FHIT: variants seen among roughly 807,000 people sequenced by gnomAD.
The protein encoded by FHIT is fragile histidine triad diadenosine triphosphatase, also known as bis(5'-adenosyl)-triphosphatase.
Under a neutral mutation model 17.9 loss-of-function variants are expected in FHIT, and 19 were observed. The observed-to-expected ratio is 1.06, with a 90% CI of 0.74 to 1.56. The LOEUF is 1.56. Ranked by LOEUF, FHIT falls within the 40% of genes most tolerant of loss-of-function variation. The probability of loss-of-function intolerance (pLI) is 0.00; values close to 1 mark genes in which losing one functional copy is unlikely to be tolerated. For synonymous variants in FHIT, 81 were observed against 69.7 expected, an observed-to-expected ratio of 1.16 and a Z score of -0.81; for missense variants, 248 against 189.2, an observed-to-expected ratio of 1.31 and a Z score of -1.82.
At chr3:60,132,592 T>A (rs539716693) in intron 5 of FHIT, among the ~76,000 whole-genome samples, 1 of 152,186 alleles carries the variant, frequency 6.6e-6, no homozygotes, top group African/African-American at 2.4e-5. Context: ...ATTGTGCCTA[T>A]GCCCAAAAGT....
chr3:60,312,327 A>G (rs7631677), intron 5 of FHIT, among the ~76,000 whole-genome samples: 64,781 of 151,668 alleles, frequency 0.43, 14,708 homozygotes, highest in East Asian at 0.88. Context: ...TTTTTTGTAC[A>G]GACAAGGTCT....
At chr3:60,252,757 G>A (rs546043840) in intron 5 of FHIT, among the ~76,000 whole-genome samples, 18 of 151,982 alleles carry the variant, frequency 1.2e-4, no homozygotes, top group Non-Finnish European at 1.8e-4. Context: ...TTGGGAGGCC[G>A]AGGCCGGTGG....
chr3:59,856,192 A>G (rs1177002388), intron 8 of FHIT, among the ~76,000 whole-genome samples: 16 of 152,232 alleles, frequency 1.1e-4, no homozygotes, highest in Non-Finnish European at 2.2e-4. Flanking sequence ...ACTATCTGTC[A>G]AAATTTTTAA....
rs574962594 is a variant in FHIT at position 60,130,019 on chromosome 3, C to T, written c.104-115867G>A. On this transcript the variant is annotated intron_variant, in intron 5 of 9. Transcript: ENST00000492590. ...CACCTACATACACACACCACACACT[C>T]GATGTCCAAATTCACAGTCTAAGCA... Among the ~76,000 whole-genome samples the T allele has an allele frequency of 2.8e-4, 42 of 152,274 alleles. 2 individuals are homozygous for T. In the South Asian group the frequency reaches 8.5e-3, roughly 31 times the overall value.
chr3:60,409,124 A>G (rs1442659666), intron 5 of FHIT, among the ~76,000 whole-genome samples: 1 of 152,208 alleles, frequency 6.6e-6, no homozygotes, highest in Admixed American at 6.5e-5. Flanking sequence ...TCTTGTAAAT[A>G]CTGAATATGA....
chr3:60,468,358 T>C (rs973669413), intron 5 of FHIT, among the ~76,000 whole-genome samples: 6 of 152,214 alleles, frequency 3.9e-5, no homozygotes, highest in South Asian at 2.1e-4. Context: ...GGTTGTTTTG[T>C]AGTCTTCTCT....
At chr3:60,328,583 T>C (rs1410969971) in intron 5 of FHIT, among the ~76,000 whole-genome samples, 1 of 152,092 alleles carries the variant, frequency 6.6e-6, no homozygotes, top group Non-Finnish European at 1.5e-5. Flanking sequence ...CAGGTCCCTC[T>C]CACTACACCT....
intron 7 of FHIT, among the ~76,000 whole-genome samples, chr3:59,956,444 C>T (rs962049924): frequency 2.6e-5 from 4 of 152,132 alleles, no homozygotes; most frequent in Non-Finnish European, 5.9e-5. Context: ...CCGAGGCGGG[C>T]AGATCTTGAG....
intron 5 of FHIT, among the ~76,000 whole-genome samples, chr3:60,094,413 C>T (rs1168284453): frequency 6.7e-6 from 1 of 148,728 alleles, no homozygotes; most frequent in East Asian, 2.0e-4. Flanking sequence ...CAGGGCCCAA[C>T]CGGCACCTAT....
At chr3:59,813,238 C>T (rs959961339) in intron 8 of FHIT, among the ~76,000 whole-genome samples, 1 of 152,142 alleles carries the variant, frequency 6.6e-6, no homozygotes, top group African/African-American at 2.4e-5. Context: ...TAATTTGTTG[C>T]CTGTTTCTGA....
intron 5 of FHIT, among the ~76,000 whole-genome samples, chr3:60,304,334 C>A (rs741896): frequency 6.6e-6 from 1 of 151,784 alleles, no homozygotes; most frequent in South Asian, 2.1e-4. Context: ...TAGCAGATCT[C>A]TACCAGGAGA....
chr3:60,384,460 C>T lies in FHIT; in HGVS notation c.103+152400G>A, dbSNP rs550556866. ...CACTTTAAAGGTTTGGTATCTTTAG[C>T]CCCATGCGAGGAGAGAGTCGTATGT... On this transcript the variant is annotated intron_variant, in intron 5 of 9. Transcript: ENST00000492590. 1.3e-5 allele frequency among the ~76,000 whole-genome samples: 2 copies of T among 152,056 alleles called. 1 individual carries two copies. Among genetic ancestry groups the T allele is most frequent in the South Asian group, 4.2e-4 (2 of 4,812 alleles).
intron 4 of FHIT, among the ~76,000 whole-genome samples, chr3:60,577,649 C>T (rs781992539): frequency 5.7e-4 from 87 of 152,132 alleles, no homozygotes; most frequent in Non-Finnish European, 1.8e-4. Flanking sequence ...ACTGAGAAGA[C>T]ATCAGTGCTA....
chr3:60,811,347 C>T (rs528197301), intron 4 of FHIT, among the ~76,000 whole-genome samples: 7 of 152,158 alleles, frequency 4.6e-5, no homozygotes, highest in East Asian at 3.9e-4. Context: ...TATAAAATCT[C>T]GAAATAAGAA....
intron 8 of FHIT, among the ~76,000 whole-genome samples, chr3:59,759,874 C>T (rs948164882): frequency 6.6e-6 from 1 of 152,150 alleles, no homozygotes; most frequent in Non-Finnish European, 1.5e-5. Flanking sequence ...CTCTGCCTGC[C>T]ACTTGTGATA....
intron 3 of FHIT, among the ~76,000 whole-genome samples, chr3:61,004,347 C>T (rs1177215102): frequency 1.3e-5 from 2 of 152,086 alleles, no homozygotes; most frequent in Admixed American, 6.6e-5. Context: ...AAAAAGTTGC[C>T]CGGTTTCTCC....
At chr3:60,015,216 C>G (rs957892542) in intron 5 of FHIT, among the ~76,000 whole-genome samples, 19 of 152,128 alleles carry the variant, frequency 1.2e-4, no homozygotes, top group African/African-American at 4.1e-4. Context: ...CAACCCCATT[C>G]CGCTATTGGT....
intron 3 of FHIT, among the ~76,000 whole-genome samples, chr3:60,856,831 C>T (rs1167716234): frequency 6.6e-6 from 1 of 152,044 alleles, no homozygotes; most frequent in Non-Finnish European, 1.5e-5. Flanking sequence ...ATTGTACTCT[C>T]TCAGGCCTCA....
chr3:61,121,863 T>C (rs2036466264), intron 2 of FHIT, among the ~76,000 whole-genome samples: 1 of 151,666 alleles, frequency 6.6e-6, no homozygotes, highest in Non-Finnish European at 1.5e-5. Context: ...ACACATAGGC[T>C]CAAAATAAAC....
Sources: allele counts gnomAD v4.1 joint callset (sites outside exome capture counted in the v4.1 genomes callset), GRCh38; gene constraint gnomAD v4.1.1; transcripts MANE v1.5; gene names NCBI Gene and HGNC (gene_info 2026-07-23, HGNC 2026-07-21).